The following CLPB variants were observed in gnomAD, a reference collection of about 807,000 sequenced individuals.
CLPB encodes the protein mitochondrial disaggregase.
A neutral mutation model predicts 78.4 loss-of-function variants in CLPB; 40 were observed. That is an observed-to-expected ratio of 0.51 (90% confidence interval 0.40 to 0.66). The LOEUF (loss-of-function observed/expected upper bound fraction) is 0.66, where lower values mean the gene tolerates loss of function less well. Among genes scored for constraint, CLPB ranks in the 30% least tolerant of loss-of-function variants. The probability of loss-of-function intolerance (pLI) is 0.00; values close to 1 mark genes in which losing one functional copy is unlikely to be tolerated. For missense variants in CLPB, 780 were observed against 886.9 expected (o/e 0.88, Z 1.53); for synonymous variants, 333 against 348.0 (o/e 0.96, Z 0.48).
At chr11:72,337,206 A>G (rs1182405381) in intron 5 of CLPB, 2 of 398,336 alleles carry the variant, frequency 5.0e-6, no homozygotes, top group Non-Finnish European at 8.8e-6. Flanking sequence ...TGGTCTTCTG[A>G]TATCTTGAGC....
At chr11:72,424,279 C>T (rs996344902) in intron 2 of CLPB, among the ~76,000 whole-genome samples, 2 of 152,240 alleles carry the variant, frequency 1.3e-5, no homozygotes, top group African/African-American at 4.8e-5. Context: ...TAACCCCACA[C>T]CCTTGCCCCA....
At chr11:72,326,815 G>T (rs560573535) in intron 6 of CLPB, among the ~76,000 whole-genome samples, 1 of 151,578 alleles carries the variant, frequency 6.6e-6, no homozygotes, top group African/African-American at 2.4e-5. Context: ...ACAAAAGCCT[G>T]CCTCACAATT....
At chr11:72,368,128 T>C (rs1950977553) in intron 4 of CLPB, among the ~76,000 whole-genome samples, 1 of 152,196 alleles carries the variant, frequency 6.6e-6, no homozygotes, top group Admixed American at 6.5e-5. Context: ...GTAGAATATG[T>C]CAGGCTCATT....
chr11:72,430,068 C>T (rs1856500162), intron 2 of CLPB, among the ~76,000 whole-genome samples: 1 of 152,138 alleles, frequency 6.6e-6, no homozygotes, highest in African/African-American at 2.4e-5. Flanking sequence ...TCCAAACCAA[C>T]CCAGTGAAGA....
intron 4 of CLPB, among the ~76,000 whole-genome samples, chr11:72,366,179 T>G (rs895739687): frequency 5.9e-5 from 9 of 152,128 alleles, no homozygotes; most frequent in Non-Finnish European, 8.8e-5. Flanking sequence ...TGGTCTAATA[T>G]CCAGAATCTA....
At chr11:72,414,550 C>T (rs964064147) in intron 2 of CLPB, among the ~76,000 whole-genome samples, 12 of 152,196 alleles carry the variant, frequency 7.9e-5, no homozygotes, top group African/African-American at 2.9e-4. Flanking sequence ...CTGGCCTCCT[C>T]GGGCAAAGGT....
intron 2 of CLPB, 75 bp from the exon 3 acceptor site, chr11:72,403,127 CAG>C: frequency 7.2e-7 from 1 of 1,382,886 alleles, no homozygotes. Context: ...TAAAACAAGA[CAG>C]AGGAATATTT....
intron 12 of CLPB, 112 bp downstream of exon 12, chr11:72,295,380 G>A (rs1760324270): frequency 8.7e-7 from 1 of 1,146,516 alleles, no homozygotes; most frequent in Non-Finnish European, 1.3e-6. Context: ...GCTAGGGACA[G>A]AGCTGCCCAC....
In CLPB at chr11:72,426,708, T is replaced by C. The variant is rs140618221; in HGVS notation, c.455+3604A>G. Among the ~76,000 whole-genome samples the C allele has an allele frequency of 3.1e-3, 469 of 152,326 alleles. 1 individual carries two copies. The highest frequency in any genetic ancestry group is 4.2e-3 in the Non-Finnish European group (287 of 68,024). On this transcript the variant is annotated intron_variant, in intron 2 of 15. Coordinates refer to ENST00000538039, the MANE Select transcript of CLPB (RefSeq NM_001258392.3). ...CACAAAAAACAAGTAAGTGCCGCTG[T>C]GCTGTGGAACAGGGTAAAAGACGGT...
intron 4 of CLPB, among the ~76,000 whole-genome samples, chr11:72,379,274 A>G (rs1342908799): frequency 2.8e-4 from 43 of 152,188 alleles, no homozygotes; most frequent in Admixed American, 2.8e-3. Context: ...TCCTCCTGGC[A>G]TCACTGCTAA....
chr11:72,434,106 C>T lies in CLPB; in HGVS notation c.369G>A (p.Val123=). 1 of 1,611,776 alleles carries T rather than the reference C, an allele frequency of 6.2e-7. No individual in the cohort carries two copies. Among genetic ancestry groups the T allele is most frequent in the Non-Finnish European group, 8.5e-7 (1 of 1,180,008 alleles). Residue 123 remains valine, a synonymous_variant, in exon 1 of 16, where the codon GTG becomes GTA. Transcript: ENST00000538039. ...LGMCALAAAL[V]VHCYSKSPSN... is the part of the protein sequence containing the mutation. ...ACGGACTCTTGCTGTAGCAATGAAC[C>T]ACCAGCGCTGCGGCCAGGGCGCACA...
In CLPB at chr11:72,292,708, A is replaced by G; in HGVS notation, c.*659T>C. ...TCCTGGAGGTGCCCAACACTGGCCT[A>G]GTCCCCAAGGCTGACGAAACATGGT... On this transcript the variant is annotated 3_prime_UTR_variant, in exon 16 of 16. Coordinates refer to ENST00000538039, the MANE Select transcript of CLPB (RefSeq NM_001258392.3). 1 of 152,644 alleles carries G rather than the reference A, an allele frequency of 6.6e-6. No homozygotes were observed. The allele number at this position is 152,644 out of a possible 1,614,324, so 9.5% of individuals were successfully genotyped here.
intron 2 of CLPB, among the ~76,000 whole-genome samples, chr11:72,424,671 G>A (rs541609357): frequency 7.9e-5 from 12 of 152,106 alleles, no homozygotes; most frequent in Admixed American, 1.3e-4. Flanking sequence ...CGAGGCGGGC[G>A]GATCACGAGG....
In CLPB at chr11:72,295,527, A is replaced by C. The variant is rs1590755017; in HGVS notation, c.1451T>G (p.Leu484Trp). Residue 484 changes from leucine (L) to tryptophan (W), a missense_variant, in exon 12 of 16, where the codon TTG (leucine) becomes TGG (tryptophan). By Grantham distance (61) the Leu-to-Trp change is moderately conservative. Around this residue, in one of 3 missense-constraint regions of CLPB, gnomAD observed 272 missense variants for 304.0 expected, o/e 0.89. Transcript: ENST00000538039. ...QHALQLRQEA[L>W]EMSRNRIAEN... Reference sequence around the variant, plus strand: ...GGCAATACGGTTACGGCTCATCTCCAAAGCTTCCTGCCTCAGCTGCAGCGC... The same window carrying C: ...GGCAATACGGTTACGGCTCATCTCCCAAGCTTCCTGCCTCAGCTGCAGCGC... The C allele has an allele frequency of 6.2e-7, 1 of 1,614,130 alleles. No individual in the cohort carries two copies. The highest frequency in any genetic ancestry group is 8.5e-7 in the Non-Finnish European group (1 of 1,180,016).
intron 11 of CLPB, among the ~76,000 whole-genome samples, chr11:72,299,927 T>C (rs1026873168): frequency 1.3e-5 from 2 of 152,204 alleles, no homozygotes; most frequent in Non-Finnish European, 2.9e-5. Flanking sequence ...CTGATTGTAC[T>C]TCAGTCAGCA....
intron 7 of CLPB, 49 bp from the exon 8 acceptor site, chr11:72,308,653 T>G (rs1407533218): frequency 6.7e-7 from 1 of 1,498,928 alleles, no homozygotes; most frequent in Admixed American, 1.7e-5. Context: ...GGCAGATAAA[T>G]CAATGACACA....
rs757687172 is a variant in CLPB, at chr11:72,342,991, C to T, written c.776-13187G>A. ...TGATGGGTTGTCTACGAGACCCCAA[C>T]CACCCCAAAGGACTGAGCTGACCAG... is the stretch of plus-strand genomic sequence containing the variant. On this transcript the variant is annotated intron_variant, in intron 5 of 15. Transcript: ENST00000538039. 1.3e-5 allele frequency among the ~76,000 whole-genome samples: 2 copies of T among 152,224 alleles called. 1 individual carries two copies. Among genetic ancestry groups the T allele is most frequent in the Non-Finnish European group, 2.9e-5 (2 of 68,040 alleles).
At chr11:72,352,890 G>C (rs1000758822) in intron 5 of CLPB, 3 of 152,276 alleles carry the variant, frequency 2.0e-5, no homozygotes, top group African/African-American at 7.2e-5. Context: ...GAGGAGGAGA[G>C]AGGATATGCC....
chr11:72,422,413 G>A (rs1257964239), intron 2 of CLPB, among the ~76,000 whole-genome samples: 2 of 151,920 alleles, frequency 1.3e-5, no homozygotes, highest in East Asian at 1.9e-4. Context: ...TATGACAAAA[G>A]TAAAACGAGG....
Sources: allele counts gnomAD v4.1 joint callset (sites outside exome capture counted in the v4.1 genomes callset), GRCh38; gene constraint gnomAD v4.1.1; regional missense constraint gnomAD v4.1.1; transcripts MANE v1.5; gene names NCBI Gene and HGNC (gene_info 2026-07-23, HGNC 2026-07-21).